Variants in UNC5A observed in about 807,000 individuals in gnomAD.
UNC5A encodes unc-5 netrin receptor A.
Under a neutral mutation model 87.4 loss-of-function variants are expected in UNC5A, and 20 were observed. The ratio of observed to expected loss-of-function variants is 0.23; its 90% CI spans 0.16 to 0.33. The LOEUF is 0.33. Among genes scored for constraint, UNC5A ranks in the 10% least tolerant of loss-of-function variants. The pLI, the probability that UNC5A is intolerant of heterozygous loss-of-function variation, is 1.00. For synonymous variants in UNC5A, 438 were observed against 482.3 expected, an observed-to-expected ratio of 0.91 and a Z score of 1.20; for missense variants, 844 against 1,133.4, an observed-to-expected ratio of 0.74 and a Z score of 3.67.
Position 176,868,351 on chromosome 5 carries a change from G to A in UNC5A, c.436+78G>A. ...AGGAGAGGGGACAGTAGGCTTCCTG[G>A]AAGAGGCGGTCCGGTCAGAAAACCT... is the stretch of plus-strand genomic sequence containing the variant. On this transcript the variant is annotated intron_variant, in intron 3 of 14. Transcript: ENST00000329542. 3.1e-6 allele frequency: 5 copies of A among 1,591,502 alleles called. No individual in the cohort carries two copies. In the South Asian group the frequency reaches 3.3e-5, roughly 11 times the overall value.
chr5:176,869,821 G>T lies in UNC5A; in HGVS notation c.722-549G>T. 1 of 581,262 alleles carries T rather than the reference G, an allele frequency of 1.7e-6. No homozygotes were observed. The allele number at this position is 581,262 out of a possible 1,614,324, so 36.0% of individuals were successfully genotyped here. A position where few individuals can be genotyped will look rare whatever the true frequency, so the allele number is the denominator to read the frequency against. On this transcript the variant is annotated intron_variant, in intron 5 of 14. Coordinates refer to ENST00000329542, the MANE Select transcript of UNC5A (RefSeq NM_133369.3). The surrounding 1 kb of genome is among the most constrained non-coding windows in gnomAD (Gnocchi z 9.1). ...CGCCTCCCGCATCGTTCCTCACCAC[G>T]CCATCTCCGTGCCCTGGCTCCATCG...
chr5:176,863,893 C>G (rs1168370305), intron 2 of UNC5A, among the ~76,000 whole-genome samples: 1 of 146,238 alleles, frequency 6.8e-6, no homozygotes, highest in Admixed American at 6.8e-5. Flanking sequence ...TCATTAGAGC[C>G]TGTTTCAGTT....
intron 1 of UNC5A, among the ~76,000 whole-genome samples, chr5:176,822,110 A>G (rs1756740814): frequency 6.6e-6 from 1 of 152,260 alleles, no homozygotes; most frequent in Non-Finnish European, 1.5e-5. Context: ...AATGCAGACA[A>G]TGAAAGGTTC....
chr5:176,867,130 C>G (rs1035472611), intron 2 of UNC5A, among the ~76,000 whole-genome samples: 8 of 152,194 alleles, frequency 5.3e-5, no homozygotes, highest in African/African-American at 1.9e-4. Context: ...CATTGGCTGC[C>G]GGCCTCTCTC....
intron 1 of UNC5A, among the ~76,000 whole-genome samples, chr5:176,828,707 C>T (rs749614713): frequency 7.9e-5 from 12 of 152,190 alleles, no homozygotes; most frequent in Non-Finnish European, 1.8e-4. Flanking sequence ...GTACCACCCC[C>T]AGTTAAAACA....
rs1233167597 is a variant in UNC5A at position 176,844,566 on chromosome 5, C to T, written c.71-18058C>T. 2.6e-5 allele frequency among the ~76,000 whole-genome samples: 4 copies of T among 152,248 alleles called. No individual in the cohort carries two copies. The highest frequency in any genetic ancestry group is 5.9e-5 in the Non-Finnish European group (4 of 68,030). The stretch of plus-strand genomic sequence containing the variant: ...AGCCGCACTGTGCCACACCGAAATT[C>T]ACAGCCCACCGTGGCTCGGAGGAGC... On this transcript the variant is annotated intron_variant, in intron 1 of 14. Transcript: ENST00000329542. This position sits in a 1 kb window ranked among gnomAD's most constrained non-coding sequence, Gnocchi z 4.2.
intron 1 of UNC5A, among the ~76,000 whole-genome samples, chr5:176,839,609 G>C (rs1187347103): frequency 3.9e-5 from 6 of 152,200 alleles, no homozygotes; most frequent in Admixed American, 3.9e-4. Flanking sequence ...CTGGTTTGTG[G>C]GTAAGATCCT....
At chr5:176,833,077 C>T (rs1277909696) in intron 1 of UNC5A, among the ~76,000 whole-genome samples, 1 of 152,210 alleles carries the variant, frequency 6.6e-6, no homozygotes. Context: ...TGGCCAAGGT[C>T]AGGAAACAGC....
chr5:176,833,641 C>CATGAG (rs1757076598), intron 1 of UNC5A, among the ~76,000 whole-genome samples: 1 of 152,208 alleles, frequency 6.6e-6, no homozygotes, highest in Admixed American at 6.5e-5. Flanking sequence ...AAGCATAGCC[C>CATGAG]ATGAGTCTCT....
chr5:176,856,896 C>T (rs1757680197), intron 1 of UNC5A, among the ~76,000 whole-genome samples: 1 of 152,188 alleles, frequency 6.6e-6, no homozygotes, highest in Non-Finnish European at 1.5e-5. Context: ...TGGGGTCCAG[C>T]CCCTGCTTCC....
chr5:176,877,865 C>T (rs1406401882), intron 10 of UNC5A, 29 bp from the exon 11 acceptor site: 16 of 1,579,394 alleles, frequency 1.0e-5, no homozygotes, highest in East Asian at 2.3e-5. Flanking sequence ...GAGGCTGGGC[C>T]GAATTGACCC....
chr5:176,846,681 G>A (rs932526437), intron 1 of UNC5A, among the ~76,000 whole-genome samples: 1 of 152,166 alleles, frequency 6.6e-6, no homozygotes, highest in Non-Finnish European at 1.5e-5. Flanking sequence ...ACAAGTGGGC[G>A]GGCTCTAGAG....
intron 1 of UNC5A, among the ~76,000 whole-genome samples, chr5:176,861,550 T>G (rs28622974): frequency 6.6e-6 from 1 of 151,862 alleles, no homozygotes; most frequent in African/African-American, 2.4e-5. Flanking sequence ...CCTCGGTGGG[T>G]AGGGTGGGCC....
intron 4 of UNC5A, 26 bp from the exon 5 acceptor site, chr5:176,868,758 G>T (rs965760788): frequency 6.3e-7 from 1 of 1,589,278 alleles, no homozygotes; most frequent in African/African-American, 1.3e-5. Flanking sequence ...TGGGCTGGCA[G>T]TACATGGCAG....
chr5:176,857,169 T>A (rs2113643742), intron 1 of UNC5A, among the ~76,000 whole-genome samples: 1 of 152,386 alleles, frequency 6.6e-6, no homozygotes, highest in South Asian at 2.1e-4. Flanking sequence ...GTCCGCCCCT[T>A]CTACCTTCTC....
rs373259006 is a variant in UNC5A at position 176,874,259 on chromosome 5, T to C, written c.1076-5T>C. On this transcript the variant is annotated splice_region_variant and splice_polypyrimidine_tract_variant and intron_variant, in intron 7 of 14. Transcript: ENST00000329542. This position sits in a 1 kb window ranked among gnomAD's most constrained non-coding sequence, Gnocchi z 7.6. ...CCATTGCCTGAGTCTGTCTTTATCC[T>C]GCAGACAACCCCCATCTGCTCACCA... is the stretch of plus-strand genomic sequence containing the variant. 1.7e-5 allele frequency: 27 copies of C among 1,583,742 alleles called. No homozygotes were observed. The African/African-American group carries it at 3.5e-4, about 21-fold the overall frequency.
intron 1 of UNC5A, among the ~76,000 whole-genome samples, chr5:176,840,859 C>A (rs543283212): frequency 6.6e-6 from 1 of 152,252 alleles, no homozygotes; most frequent in Non-Finnish European, 1.5e-5. Context: ...TTCTGTGCCA[C>A]CCTGCCCCGC....
intron 6 of UNC5A, among the ~76,000 whole-genome samples, chr5:176,871,596 T>C (rs59488366): frequency 5.9e-3 from 7 of 1,192 alleles, no homozygotes; most frequent in African/African-American, 0.011. Context: ...TGCCCACACC[T>C]GCCCCAACAC....
At chr5:176,879,678 T>C (rs1758369283) in intron 14 of UNC5A, 43 bp from the exon 15 acceptor site, 4 of 1,603,760 alleles carry the variant, frequency 2.5e-6, no homozygotes, top group Non-Finnish European at 3.4e-6. Flanking sequence ...AGGTGTCGGC[T>C]GGGGCCAGGC....
Sources: gnomAD v4.1 joint callset for allele counts (sites outside exome capture counted in the v4.1 genomes callset) on GRCh38, gnomAD v4.1.1 for gene constraint, Gnocchi (gnomAD v3.1) non-coding constraint, MANE v1.5 for transcripts, NCBI Gene and HGNC (gene_info 2026-07-23, HGNC 2026-07-21) for gene names.